The following HERC1 variants were observed in gnomAD, a reference collection of about 807,000 sequenced individuals.
The protein encoded by HERC1 is HECT and RLD domain containing E3 ubiquitin protein ligase family member 1.
HERC1 carries 160 observed loss-of-function variants against 554.3 expected under a neutral mutation model. The ratio of observed to expected loss-of-function variants is 0.29; its 90% CI spans 0.25 to 0.33. The LOEUF (loss-of-function observed/expected upper bound fraction) is 0.33. Ranked by LOEUF, HERC1 falls within the 10% of genes least tolerant of loss-of-function variation. The pLI is 1.00. For missense variants in HERC1, 4,919 were observed against 5,918.5 expected, an observed-to-expected ratio of 0.83 and a Z score of 5.54; for synonymous variants, 2,175 against 2,131.7, an observed-to-expected ratio of 1.02 and a Z score of -0.56.
intron 37 of HERC1, 52 bp from the exon 38 acceptor site, chr15:63,675,169 G>A: frequency 6.8e-7 from 1 of 1,460,948 alleles, no homozygotes; most frequent in South Asian, 1.3e-5. Flanking sequence ...GGAAAGACGG[G>A]AGGAAGGTAC....
At chr15:63,724,886 G>A (rs1010606934) in intron 18 of HERC1, among the ~76,000 whole-genome samples, 1 of 152,162 alleles carries the variant, frequency 6.6e-6, no homozygotes, top group Non-Finnish European at 1.5e-5. Context: ...AGACAGGCTG[G>A]GAGGAAAAGA....
intron 24 of HERC1, among the ~76,000 whole-genome samples, chr15:63,708,860 T>A (rs2073148096): frequency 6.6e-6 from 1 of 152,218 alleles, no homozygotes; most frequent in South Asian, 2.1e-4. Context: ...CCCCAGGCTC[T>A]CTGAAGCTGA....
At chr15:63,637,015 T>A in intron 64 of HERC1, 1 of 404,978 alleles carries the variant, frequency 2.5e-6, no homozygotes, top group South Asian at 1.8e-5. Flanking sequence ...GCTCTCTTTG[T>A]AGGCTTCAGA....
Position 63,824,599 on chromosome 15 carries a change from A to T in HERC1, c.-27+9228T>A, listed in dbSNP as rs573866326. ...CCAGCAATCTCTCTTCTCGGTTTTAACCCAAAAGAAATAAAAGCAGCACCT... is the reference window on the plus strand; with the variant it reads ...CCAGCAATCTCTCTTCTCGGTTTTATCCCAAAAGAAATAAAAGCAGCACCT... On this transcript the variant is annotated intron_variant, in intron 1 of 77. Transcript: ENST00000443617. 1.2e-3 allele frequency among the ~76,000 whole-genome samples: 190 copies of T among 152,240 alleles called. 1 individual carries two copies. The highest frequency in any genetic ancestry group is 4.5e-3 in the African/African-American group (185 of 41,558).
Position 63,723,241 on chromosome 15 carries a change from C to A in HERC1, c.3683G>T (p.Cys1228Phe). ...IAVYVDLALG[C>F]SKEPARSLWI... is the part of the protein sequence containing the mutation. ...AAGGCTTCGGGCAGGCTCTTTAGAA[C>A]AACCCAATGCCAAGTCTACATAGAC... Residue 1228 changes from cysteine (C) to phenylalanine (F), a missense_variant, in exon 19 of 78, where the codon TGT becomes TTT. Cys to Phe is a radical substitution (Grantham distance 205, BLOSUM62 -2). Coordinates refer to ENST00000443617, the MANE Select transcript of HERC1 (RefSeq NM_003922.4). The A allele has an allele frequency of 6.3e-7, 1 of 1,598,894 alleles. No homozygotes were observed. The highest frequency in any genetic ancestry group is 8.5e-7 in the Non-Finnish European group (1 of 1,171,882).
In HERC1 at chr15:63,640,866, C is replaced by T. The variant is rs558513090; in HGVS notation, c.11608-421G>A. On this transcript the variant is annotated intron_variant, in intron 60 of 77. Transcript: ENST00000443617. Reference sequence around the variant, plus strand: ...AAAAAAGCAGGTAACTATTTAACCACAGAGATCTGCTCTTCTCACTTTCCT... The same window carrying T: ...AAAAAAGCAGGTAACTATTTAACCATAGAGATCTGCTCTTCTCACTTTCCT... 3.3e-5 allele frequency among the ~76,000 whole-genome samples: 5 copies of T among 152,270 alleles called. No homozygotes were observed. In the East Asian group the frequency reaches 9.6e-4, roughly 29 times the overall value.
Position 63,644,988 on chromosome 15 carries a change from T to C in HERC1, c.11184+4A>G, listed in dbSNP as rs531017224. The C allele has an allele frequency of 1.9e-6, 3 of 1,592,310 alleles. No individual in the cohort carries two copies. Among genetic ancestry groups the C allele is most frequent in the African/African-American group, 2.7e-5 (2 of 74,616 alleles). On this transcript the variant is annotated splice_donor_region_variant and intron_variant, in intron 57 of 77. Transcript: ENST00000443617. ...GACAGTCTTCAAAAACACCAGAATG[T>C]TACCTGGCAATTTGATTCCTGCTCC...
chr15:63,762,067 A>C (rs1002393965), intron 3 of HERC1, among the ~76,000 whole-genome samples: 5 of 152,220 alleles, frequency 3.3e-5, no homozygotes, highest in Non-Finnish European at 7.3e-5. Context: ...CAATAAAAGA[A>C]ACCAGGACTT....
At chr15:63,655,131 A>C (rs1318333560) in intron 50 of HERC1, among the ~76,000 whole-genome samples, 2 of 151,988 alleles carry the variant, frequency 1.3e-5, no homozygotes, top group Admixed American at 6.6e-5. Flanking sequence ...AGGTGGGAGG[A>C]TCACACGAGG....
chr15:63,656,225 T>C lies in HERC1; in HGVS notation c.9733A>G (p.Thr3245Ala), dbSNP rs1282847260. 6.2e-7 allele frequency: 1 copy of C among 1,613,564 alleles called. No individual in the cohort carries two copies. The highest frequency in any genetic ancestry group is 8.5e-7 in the Non-Finnish European group (1 of 1,179,694). Residue 3245 changes from threonine (T) to alanine (A), a missense_variant, in exon 49 of 78, where the codon ACC becomes GCC. This residue lies in a region of HERC1 where 1,963 missense variants were observed against 2,228.6 expected (regional missense o/e 0.88). Transcript: ENST00000443617. ...LSTSPSAMASTSERSRGGHSK... is the reference protein window; with the variant it reads ...LSTSPSAMASASERSRGGHSK... The stretch of plus-strand genomic sequence containing the variant: ...TGCCCACCTCGTGATCGTTCTGAGG[T>C]GCTAGCCATGGCAGAAGGGCTGGTG...
At chr15:63,675,266 G>C in intron 37 of HERC1, 149 bp from the exon 38 acceptor site, 1 of 573,216 alleles carries the variant, frequency 1.7e-6, no homozygotes. Flanking sequence ...TACAAACACA[G>C]AGAAAAACGA....
intron 33 of HERC1, among the ~76,000 whole-genome samples, chr15:63,688,141 T>C (rs1286736109): frequency 6.6e-6 from 1 of 152,196 alleles, no homozygotes; most frequent in African/African-American, 2.4e-5. Flanking sequence ...TACTGCATAG[T>C]TCAGGCCAGA....
intron 26 of HERC1, among the ~76,000 whole-genome samples, chr15:63,696,733 A>G (rs553642679): frequency 6.6e-6 from 1 of 152,272 alleles, no homozygotes; most frequent in South Asian, 2.1e-4. Context: ...ACAAGGAGAT[A>G]TATGTGAAGG....
intron 1 of HERC1, among the ~76,000 whole-genome samples, chr15:63,808,839 A>G (rs1008960820): frequency 1.1e-4 from 17 of 152,192 alleles, no homozygotes; most frequent in Admixed American, 1.1e-3. Context: ...GTCTGTAGAA[A>G]AAAATCACCT....
chr15:63,616,564 G>C lies in HERC1; in HGVS notation c.13807C>G (p.Leu4603Val). Residue 4603 changes from leucine to valine, a missense_variant, in exon 75 of 78, where the codon CTG becomes GTG. Physicochemically the swap from Leu to Val is conservative, Grantham distance 32. This residue lies in a region of HERC1 where 284 missense variants were observed against 294.1 expected (regional missense o/e 0.97). Transcript: ENST00000443617. Reference sequence around the variant, plus strand: ...ACACAGCACAGCTGCTTCCACACCAGAGGGGCCAAGTGGAGGTCCAGAGGC... The same window carrying C: ...ACACAGCACAGCTGCTTCCACACCACAGGGGCCAAGTGGAGGTCCAGAGGC... ...KKPLDLHLAP[L>V]VWKQLCCVPL... 6.2e-7 allele frequency: 1 copy of C among 1,614,020 alleles called. No individual in the cohort carries two copies.
rs2067646542 is a variant in HERC1, at chr15:63,612,574, T to G, written c.14095-18A>C. The G allele has an allele frequency of 1.9e-6, 3 of 1,606,082 alleles. No individual in the cohort carries two copies. The highest frequency in any genetic ancestry group is 2.6e-6 in the Non-Finnish European group (3 of 1,175,726). ...GCAGCCACCTGCTCCCGGGAGAGGTTGCTCATTCAATGAGTGTGCGTGAAC... is the reference window on the plus strand; with the variant it reads ...GCAGCCACCTGCTCCCGGGAGAGGTGGCTCATTCAATGAGTGTGCGTGAAC... On this transcript the variant is annotated intron_variant, in intron 76 of 77. Transcript: ENST00000443617. The surrounding 1 kb of genome is among the most constrained non-coding windows in gnomAD (Gnocchi z 5.0).
chr15:63,630,799 GAATA>G (rs2068515443), intron 68 of HERC1, 164 bp from the exon 69 acceptor site: 1 of 539,434 alleles, frequency 1.9e-6, no homozygotes, highest in South Asian at 4.1e-5. Flanking sequence ...ACCACGTTCT[GAATA>G]AATAAAAAGT....
chr15:63,738,004 T>C, intron 12 of HERC1, among the ~76,000 whole-genome samples: 1 of 152,190 alleles, frequency 6.6e-6, no homozygotes. Flanking sequence ...GTATTTTCTA[T>C]CAGTCCTCTC....
chr15:63,654,885 T>G (rs2069932618), intron 50 of HERC1, among the ~76,000 whole-genome samples: 3 of 151,892 alleles, frequency 2.0e-5, no homozygotes, highest in Non-Finnish European at 4.4e-5. Flanking sequence ...AAAAAAAATT[T>G]ATTATACAAC....
Sources: gnomAD v4.1 joint callset for allele counts (sites outside exome capture counted in the v4.1 genomes callset) on GRCh38, gnomAD v4.1.1 for gene constraint, gnomAD v4.1.1 regional missense constraint, Gnocchi (gnomAD v3.1) non-coding constraint, MANE v1.5 for transcripts, NCBI Gene and HGNC (gene_info 2026-07-23, HGNC 2026-07-21) for gene names.